The following LHFPL3 variants were observed in gnomAD, a reference collection of about 807,000 sequenced individuals.
LHFPL3 encodes LHFPL tetraspan subfamily member 3, also known as LHFPL tetraspan subfamily member 3 protein.
LHFPL3 carries 5 observed loss-of-function variants against 19.3 expected under a neutral mutation model. The observed-to-expected ratio is 0.26, with a 90% CI of 0.14 to 0.54. The LOEUF is 0.54. Ranked by LOEUF, LHFPL3 falls within the 20% of genes least tolerant of loss-of-function variation. The pLI is 0.94. For synonymous variants in LHFPL3, 133 were observed against 126.2 expected (o/e 1.05, Z -0.36); for missense variants, 249 against 307.4 (o/e 0.81, Z 1.42).
At chr7:104,688,795 T>C (rs1338298356) in intron 1 of LHFPL3, among the ~76,000 whole-genome samples, 1 of 152,154 alleles carries the variant, frequency 6.6e-6, no homozygotes, top group Admixed American at 6.5e-5. Flanking sequence ...CAGGAAGTTG[T>C]GCTACACTCC....
intron 1 of LHFPL3, among the ~76,000 whole-genome samples, chr7:104,580,878 A>T (rs556901812): frequency 6.6e-6 from 1 of 151,904 alleles, no homozygotes; most frequent in East Asian, 1.9e-4. Context: ...ATTATTTTTT[A>T]TCTTGAGTAA....
intron 2 of LHFPL3, among the ~76,000 whole-genome samples, chr7:104,905,045 T>C (rs1268787831): frequency 6.6e-6 from 1 of 152,100 alleles, no homozygotes; most frequent in Non-Finnish European, 1.5e-5. Flanking sequence ...AACCTCGACC[T>C]CCTGGGCTCA....
chr7:104,875,411 T>C (rs1791919283), intron 2 of LHFPL3, among the ~76,000 whole-genome samples: 1 of 152,206 alleles, frequency 6.6e-6, no homozygotes, highest in Non-Finnish European at 1.5e-5. Flanking sequence ...TCTGCTAAGC[T>C]GCCTATACCT....
chr7:104,556,714 T>A, intron 1 of LHFPL3, among the ~76,000 whole-genome samples: 1 of 152,256 alleles, frequency 6.6e-6, no homozygotes. Context: ...GCAGCCAGTT[T>A]GAATTTCTTC....
At position 104,841,059 on chromosome 7, in the gene LHFPL3, G is replaced by A. The variant is rs150024748; in HGVS notation, c.683-65128G>A. On this transcript the variant is annotated intron_variant, in intron 2 of 2. Coordinates refer to ENST00000424859, the MANE Select transcript of LHFPL3 (RefSeq NM_199000.3). ...AGCAATAATGGTAAAAGTCGTGTCCGTTGGCTCATAGCACAGAGGAAAGTA... is the reference window on the plus strand; with the variant it reads ...AGCAATAATGGTAAAAGTCGTGTCCATTGGCTCATAGCACAGAGGAAAGTA... Among the ~76,000 whole-genome samples the A allele has an allele frequency of 1.7e-3, 259 of 152,274 alleles. 1 individual carries two copies. Among genetic ancestry groups the A allele is most frequent in the African/African-American group, 5.6e-3 (232 of 41,562 alleles).
intron 2 of LHFPL3, among the ~76,000 whole-genome samples, chr7:104,863,571 C>A (rs1027523876): frequency 6.6e-6 from 1 of 152,214 alleles, no homozygotes; most frequent in Non-Finnish European, 1.5e-5. Context: ...AGGTAATTGA[C>A]ATTTTCCTTT....
At chr7:104,383,801 G>A (rs903549564) in intron 1 of LHFPL3, among the ~76,000 whole-genome samples, 1 of 152,160 alleles carries the variant, frequency 6.6e-6, no homozygotes, top group Non-Finnish European at 1.5e-5. Flanking sequence ...TTGTTAGGGG[G>A]AGTGAAGAAG....
chr7:104,732,222 G>C (rs1010993109), intron 1 of LHFPL3, among the ~76,000 whole-genome samples: 2 of 152,160 alleles, frequency 1.3e-5, no homozygotes, highest in African/African-American at 4.8e-5. Flanking sequence ...TTGGTATCAG[G>C]ATGGTGCTGG....
chr7:104,486,734 T>C (rs1025942414), intron 1 of LHFPL3, among the ~76,000 whole-genome samples: 1 of 152,210 alleles, frequency 6.6e-6, no homozygotes, highest in Non-Finnish European at 1.5e-5. Flanking sequence ...TTCTACTATT[T>C]TAATGTTGCT....
rs1002135616 is a variant in LHFPL3 at position 104,838,592 on chromosome 7, T to A, written c.683-67595T>A. 2.0e-5 allele frequency among the ~76,000 whole-genome samples: 3 copies of A among 152,334 alleles called. No homozygotes were observed. The South Asian group carries it at 6.2e-4, about 32-fold the overall frequency. On this transcript the variant is annotated intron_variant, in intron 2 of 2. Coordinates refer to ENST00000424859, the MANE Select transcript of LHFPL3 (RefSeq NM_199000.3). ...CCAGAATCTGACTTGTAGAACAAAG[T>A]ACAGAGCTTGCTTTCAAATTTGACT...
intron 1 of LHFPL3, among the ~76,000 whole-genome samples, chr7:104,516,223 G>C (rs1397987985): frequency 2.0e-5 from 3 of 151,984 alleles, no homozygotes; most frequent in Admixed American, 6.6e-5. Context: ...AAGCGGGGTG[G>C]GGAAAGTGCC....
intron 1 of LHFPL3, among the ~76,000 whole-genome samples, chr7:104,487,841 T>C (rs1440310250): frequency 6.6e-6 from 1 of 152,216 alleles, no homozygotes; most frequent in Admixed American, 6.5e-5. Context: ...TTCCTGGTAA[T>C]ATTTTTCTAG....
chr7:104,596,161 A>T (rs1312267860), intron 1 of LHFPL3, among the ~76,000 whole-genome samples: 1 of 152,222 alleles, frequency 6.6e-6, no homozygotes, highest in African/African-American at 2.4e-5. Flanking sequence ...TGGGAGCTAC[A>T]GACTGGAGCT....
chr7:104,376,436 G>T (rs927691564), intron 1 of LHFPL3, among the ~76,000 whole-genome samples: 1 of 152,240 alleles, frequency 6.6e-6, no homozygotes, highest in African/African-American at 2.4e-5. Flanking sequence ...CCACAAGAAA[G>T]GAGATGCTAG....
chr7:104,736,431 C>T (rs1451076067), intron 1 of LHFPL3, among the ~76,000 whole-genome samples: 2 of 152,074 alleles, frequency 1.3e-5, no homozygotes, highest in African/African-American at 4.8e-5. Context: ...AGTGCATTCC[C>T]AGAGTTTCTT....
chr7:104,609,877 T>TA (rs1791179200), intron 1 of LHFPL3, among the ~76,000 whole-genome samples: 1 of 152,244 alleles, frequency 6.6e-6, no homozygotes, highest in South Asian at 2.1e-4. Context: ...GTGGAGACGT[T>TA]AGGGACTTAC....
At chr7:104,342,902 G>A (rs1471285196) in intron 1 of LHFPL3, among the ~76,000 whole-genome samples, 1 of 152,122 alleles carries the variant, frequency 6.6e-6, no homozygotes, top group Non-Finnish European at 1.5e-5. Flanking sequence ...GCCACACATA[G>A]TGTGCAGAGA....
chr7:104,783,211 GC>G (rs1428554420), intron 2 of LHFPL3, among the ~76,000 whole-genome samples: 1 of 152,210 alleles, frequency 6.6e-6, no homozygotes, highest in African/African-American at 2.4e-5. Context: ...GGCTTAAACA[GC>G]ATTTCCTCCA....
At chr7:104,492,191 G>A (rs1793368179) in intron 1 of LHFPL3, among the ~76,000 whole-genome samples, 1 of 152,146 alleles carries the variant, frequency 6.6e-6, no homozygotes, top group African/African-American at 2.4e-5. Context: ...ATTATGAATT[G>A]AATTTGATTA....
Sources: gnomAD v4.1 joint callset for allele counts (sites outside exome capture counted in the v4.1 genomes callset) on GRCh38, gnomAD v4.1.1 for gene constraint, MANE v1.5 for transcripts, NCBI Gene and HGNC (gene_info 2026-07-23, HGNC 2026-07-21) for gene names.